The following SUMO2 variants were observed in gnomAD, a reference collection of about 807,000 sequenced individuals.
SUMO2 encodes the protein small ubiquitin-related modifier 2.
In SUMO2, 1 loss-of-function variant was observed where a neutral mutation model predicts 16.0. The ratio of observed to expected loss-of-function variants is 0.06; its 90% confidence interval spans 0.02 to 0.30. SUMO2 has a LOEUF of 0.30. Ranked by LOEUF, SUMO2 falls within the 10% of genes least tolerant of loss-of-function variation. The pLI, the probability that SUMO2 is intolerant of heterozygous loss-of-function variation, is 1.00. For missense variants in SUMO2, 16 were observed against 117.5 expected (o/e 0.14, Z 3.99); for synonymous variants, 36 against 40.6 (o/e 0.89, Z 0.43).
intron 1 of SUMO2, chr17:75,182,455 G>T: frequency 5.6e-6 from 1 of 177,362 alleles, no homozygotes; most frequent in Non-Finnish European, 1.2e-5. Flanking sequence ...GGGGTCGACA[G>T]AAGGTGGAGA....
chr17:75,181,033 G>T, intron 2 of SUMO2, 24 bp downstream of exon 2: 1 of 1,612,706 alleles, frequency 6.2e-7, no homozygotes, highest in Non-Finnish European at 8.5e-7. Flanking sequence ...TTATTCAGTG[G>T]AAGTACACAT....
Position 75,167,922 on chromosome 17 carries a change from T to G in SUMO2, c.*417A>C, listed in dbSNP as rs1220520325. On this transcript the variant is annotated 3_prime_UTR_variant, in exon 4 of 4. Transcript: ENST00000420826. ...TGATAAATGAAAAACATTAAAATTC[T>G]CCAATTGAACAAGGTATGCAAGGAT... 6.2e-6 allele frequency: 1 copy of G among 161,234 alleles called. No individual in the cohort carries two copies. The highest frequency in any genetic ancestry group is 6.6e-5 in the Admixed American group (1 of 15,266). 10.0% of individuals were successfully genotyped at this position (161,234 alleles called of 1,614,324 possible). A position where few individuals can be genotyped will look rare whatever the true frequency, so the allele number is the denominator to read the frequency against.
chr17:75,180,415 A>AAAACAAAAAAAC (rs1555655475), intron 2 of SUMO2, among the ~76,000 whole-genome samples: 15 of 145,286 alleles, frequency 1.0e-4, no homozygotes, highest in African/African-American at 3.8e-4. Context: ...AAAAAAAAAA[A>AAAACAAAAAAAC]AAAAAACGAC....
chr17:75,179,420 C>T (rs1240752910), intron 2 of SUMO2, among the ~76,000 whole-genome samples: 3 of 150,256 alleles, frequency 2.0e-5, no homozygotes, highest in African/African-American at 7.3e-5. Flanking sequence ...CCCACCTACT[C>T]GGGAGACTGA....
At chr17:75,181,020 G>C (rs547823421) in intron 2 of SUMO2, 37 bp downstream of exon 2, 8 of 1,608,016 alleles carry the variant, frequency 5.0e-6, no homozygotes, top group East Asian at 4.5e-5. Context: ...TTTAAAAATA[G>C]TTTTATTCAG....
chr17:75,178,763 C>T (rs935676693), intron 2 of SUMO2, among the ~76,000 whole-genome samples: 5 of 151,360 alleles, frequency 3.3e-5, no homozygotes, highest in African/African-American at 1.2e-4. Flanking sequence ...AGGTCTGGGC[C>T]AGGCGCAGTG....
chr17:75,171,275 T>G (rs1489123045), intron 3 of SUMO2, among the ~76,000 whole-genome samples: 1 of 150,550 alleles, frequency 6.6e-6, no homozygotes, highest in Non-Finnish European at 1.5e-5. Context: ...ATTACAGGCA[T>G]GCGCCATCAT....
Position 75,168,335 on chromosome 17 carries a change from C to G in SUMO2, c.*4G>C, listed in dbSNP as rs201924451. The G allele has an allele frequency of 1.4e-5, 22 of 1,589,096 alleles. No individual in the cohort carries two copies. In the African/African-American group the frequency reaches 2.6e-4, roughly 19 times the overall value. On this transcript the variant is annotated 3_prime_UTR_variant, in exon 4 of 4. Transcript: ENST00000420826. ...GTTCTGGAGTAAAGAAGCAGGTTCC[C>G]TTTTCAGTAGACACCTCCCGTCTGC...
At chr17:75,178,673 A>C (rs1288333990) in intron 2 of SUMO2, among the ~76,000 whole-genome samples, 1 of 152,130 alleles carries the variant, frequency 6.6e-6, no homozygotes, top group East Asian at 1.9e-4. Flanking sequence ...AGCTCAAGCA[A>C]TCCTCCCACC....
intron 3 of SUMO2, among the ~76,000 whole-genome samples, chr17:75,173,365 G>C (rs567957812): frequency 6.6e-6 from 1 of 151,988 alleles, no homozygotes; most frequent in South Asian, 2.1e-4. Context: ...TTGCTATATT[G>C]CCCAGACTGG....
At chr17:75,182,003 G>GC (rs1424353894) in intron 1 of SUMO2, among the ~76,000 whole-genome samples, 1 of 152,128 alleles carries the variant, frequency 6.6e-6, no homozygotes, top group Non-Finnish European at 1.5e-5. Context: ...ACTAAAAGCA[G>GC]CAAGTCCCGT....
intron 2 of SUMO2, 32 bp downstream of exon 2, chr17:75,181,025 A>G (rs1282892540): frequency 6.2e-7 from 1 of 1,609,404 alleles, no homozygotes; most frequent in Non-Finnish European, 8.5e-7. Context: ...AAATAGTTTT[A>G]TTCAGTGGAA....
At chr17:75,182,793 A>C in intron 1 of SUMO2, 21 bp downstream of exon 1, 1 of 1,357,908 alleles carries the variant, frequency 7.4e-7, no homozygotes, top group Non-Finnish European at 9.5e-7. Context: ...GGCGAGGCGA[A>C]GGGGCCGGCG....
chr17:75,167,614 C>G lies in SUMO2; in HGVS notation c.*725G>C, dbSNP rs2074702746. 1 of 152,236 alleles carries G rather than the reference C, an allele frequency of 6.6e-6. No homozygotes were observed. Among genetic ancestry groups the G allele is most frequent in the Non-Finnish European group, 1.5e-5 (1 of 68,006 alleles). 9.4% of individuals were successfully genotyped at this position (152,236 alleles called of 1,614,324 possible). A position where few individuals can be genotyped will look rare whatever the true frequency, so the allele number is the denominator to read the frequency against. Reference sequence around the variant, plus strand: ...TTGTTTGGCATCAGTATCAGTCTGTCAGAAACACCAAGTAGCTTTATTTCC... The same window carrying G: ...TTGTTTGGCATCAGTATCAGTCTGTGAGAAACACCAAGTAGCTTTATTTCC... On this transcript the variant is annotated 3_prime_UTR_variant, in exon 4 of 4. Transcript: ENST00000420826.
chr17:75,178,731 C>T (rs914092097), intron 2 of SUMO2, among the ~76,000 whole-genome samples: 4 of 151,754 alleles, frequency 2.6e-5, no homozygotes, highest in African/African-American at 9.7e-5. Context: ...ACCACAACCA[C>T]CTAATTTTTT....
At chr17:75,173,833 G>A (rs2074761033) in intron 3 of SUMO2, among the ~76,000 whole-genome samples, 1 of 151,890 alleles carries the variant, frequency 6.6e-6, no homozygotes, top group African/African-American at 2.4e-5. Flanking sequence ...ACTTTGAAAG[G>A]GTAAAAAGAA....
rs1273190819 is a variant in SUMO2, at chr17:75,167,263, C to T, written c.*1076G>A. 6.6e-6 allele frequency: 1 copy of T among 151,742 alleles called. No homozygotes were observed. Among genetic ancestry groups the T allele is most frequent in the Non-Finnish European group, 1.5e-5 (1 of 67,966 alleles). The allele number at this position is 151,742 out of a possible 1,614,324, so 9.4% of individuals were successfully genotyped here. ...CTGAAATTGCACCACTACACTCCAG[C>T]CTGGGCAACAAGAGGAAAACTCCGT... On this transcript the variant is annotated 3_prime_UTR_variant, in exon 4 of 4. Transcript: ENST00000420826.
intron 3 of SUMO2, among the ~76,000 whole-genome samples, chr17:75,169,782 G>A (rs1279849514): frequency 6.8e-6 from 1 of 148,140 alleles, no homozygotes; most frequent in African/African-American, 2.5e-5. Flanking sequence ...CCAGGAAGCA[G>A]AGGTTGTGGT....
In SUMO2 at chr17:75,168,329, G is replaced by A. The variant is rs768778916; in HGVS notation, c.*10C>T. 8.9e-6 allele frequency: 14 copies of A among 1,577,760 alleles called. 1 individual carries two copies. The South Asian group carries it at 1.6e-4, about 19-fold the overall frequency. On this transcript the variant is annotated 3_prime_UTR_variant, in exon 4 of 4. Coordinates refer to ENST00000420826, the MANE Select transcript of SUMO2 (RefSeq NM_006937.4). ...AACAGAGTTCTGGAGTAAAGAAGCA[G>A]GTTCCCTTTTCAGTAGACACCTCCC...
Sources: allele counts gnomAD v4.1 joint callset (sites outside exome capture counted in the v4.1 genomes callset), GRCh38; gene constraint gnomAD v4.1.1; transcripts MANE v1.5; gene names NCBI Gene and HGNC (gene_info 2026-07-23, HGNC 2026-07-21).